Variants in KCNJ1 observed in about 807,000 individuals in gnomAD.
KCNJ1 encodes the protein potassium inwardly rectifying channel subfamily J member 1.
Under a neutral mutation model 21.9 loss-of-function variants are expected in KCNJ1, and 24 were observed. That is an observed-to-expected ratio of 1.10 (90% confidence interval 0.79 to 1.54). The LOEUF is 1.54. Ranked by LOEUF, KCNJ1 falls within the 40% of genes most tolerant of loss-of-function variation. KCNJ1 has a pLI of 0.00. For missense variants in KCNJ1, 457 were observed against 455.4 expected (o/e 1.00, Z -0.03); for synonymous variants, 152 against 160.9 (o/e 0.94, Z 0.42).
intron 2 of KCNJ1, 83 bp downstream of exon 2, chr11:128,850,638 G>T: frequency 3.4e-6 from 2 of 591,268 alleles, no homozygotes; most frequent in Non-Finnish European, 4.3e-6. Context: ...TTGCTTAAGA[G>T]GCTCTGCATA....
intron 1 of KCNJ1, among the ~76,000 whole-genome samples, chr11:128,862,127 C>T (rs1943726121): frequency 6.6e-6 from 1 of 152,128 alleles, no homozygotes; most frequent in Non-Finnish European, 1.5e-5. Context: ...CCACAAGATA[C>T]TTAAGGGGCA....
intron 1 of KCNJ1, among the ~76,000 whole-genome samples, chr11:128,860,058 G>C (rs1240959433): frequency 6.6e-6 from 1 of 152,226 alleles, no homozygotes; most frequent in Admixed American, 6.5e-5. Context: ...CACTGCGCAA[G>C]AGAGGTCGGC....
At chr11:128,855,025 G>A (rs1480322674) in intron 1 of KCNJ1, among the ~76,000 whole-genome samples, 1 of 152,186 alleles carries the variant, frequency 6.6e-6, no homozygotes, top group African/African-American at 2.4e-5. Flanking sequence ...GCTTACTGGT[G>A]CATGACCCAG....
Position 128,853,197 on chromosome 11 carries a change from C to T in KCNJ1, c.-191-2307G>A, listed in dbSNP as rs527499554. Among the ~76,000 whole-genome samples the T allele has an allele frequency of 3.3e-5, 5 of 152,300 alleles. No homozygotes were observed. The East Asian group carries it at 7.7e-4, about 23-fold the overall frequency. On this transcript the variant is annotated intron_variant, in intron 1 of 2. Coordinates refer to ENST00000392666, the MANE Select transcript of KCNJ1 (RefSeq NM_153766.3). ...AGGATTCAGTGAGAAATACACATATCCACGTAAAATGAGTATGTGAATAGC... is the reference window on the plus strand; with the variant it reads ...AGGATTCAGTGAGAAATACACATATTCACGTAAAATGAGTATGTGAATAGC...
intron 1 of KCNJ1, among the ~76,000 whole-genome samples, chr11:128,861,314 C>G (rs901768503): frequency 2.0e-5 from 3 of 152,144 alleles, no homozygotes; most frequent in Non-Finnish European, 4.4e-5. Flanking sequence ...CAGCTGAGAC[C>G]CAGGATTGGG....
intron 1 of KCNJ1, among the ~76,000 whole-genome samples, chr11:128,864,068 TTCTC>T (rs1299043428): frequency 6.8e-6 from 1 of 146,308 alleles, no homozygotes; most frequent in African/African-American, 2.5e-5. Flanking sequence ...TTTTTTCTTT[TTCTC>T]TCTTTTTTTT....
In KCNJ1 at chr11:128,839,729, G is replaced by A; in HGVS notation, c.515C>T (p.Thr172Ile). The change falls in exon 3 of 3, where the codon ACC becomes ATC. Residue 172 changes from threonine (T) to isoleucine (I), a missense_variant. Transcript: ENST00000392666. ...CACTGCGTTCTTGCTGAACGTAATG[G>A]TCTTGGCACGTTTTTTGGGCCTGGA... Reference protein sequence around the residue: ...KISRPKKRAKTITFSKNAVIS... With the variant: ...KISRPKKRAKIITFSKNAVIS... 6.2e-7 allele frequency: 1 copy of A among 1,613,730 alleles called. No homozygotes were observed. The highest frequency in any genetic ancestry group is 8.5e-7 in the Non-Finnish European group (1 of 1,179,938).
chr11:128,860,024 G>A lies in KCNJ1; in HGVS notation c.-192+7149C>T, dbSNP rs182130418. On this transcript the variant is annotated intron_variant, in intron 1 of 2. Coordinates refer to ENST00000392666, the MANE Select transcript of KCNJ1 (RefSeq NM_153766.3). ...GGCCTCCCGCTTACCAGCAGCAGCAGCGCCCCCTGGCGCCTGCCGAGGGCA... is the reference window on the plus strand; with the variant it reads ...GGCCTCCCGCTTACCAGCAGCAGCAACGCCCCCTGGCGCCTGCCGAGGGCA... Among the ~76,000 whole-genome samples the A allele has an allele frequency of 2.3e-3, 322 of 141,240 alleles. 1 individual carries two copies. The highest frequency in any genetic ancestry group is 5.4e-3 in the Admixed American group (71 of 13,186). The allele number at this position is 141,240 out of a possible 152,430, so 92.7% of individuals were successfully genotyped here.
At chr11:128,842,460 T>C (rs1424377065) in intron 2 of KCNJ1, 11 of 1,613,442 alleles carry the variant, frequency 6.8e-6, no homozygotes, top group Non-Finnish European at 8.5e-6. Context: ...TTGGTCTTTC[T>C]ATGCAGACTG....
At chr11:128,853,266 T>C (rs1420984510) in intron 1 of KCNJ1, among the ~76,000 whole-genome samples, 1 of 152,214 alleles carries the variant, frequency 6.6e-6, no homozygotes, top group Non-Finnish European at 1.5e-5. Context: ...TTTGAAACAG[T>C]TGATGTCCAT....
At chr11:128,854,895 G>C (rs1943556063) in intron 1 of KCNJ1, among the ~76,000 whole-genome samples, 1 of 152,164 alleles carries the variant, frequency 6.6e-6, no homozygotes, top group Non-Finnish European at 1.5e-5. Flanking sequence ...GGTGTGCTAT[G>C]AGTACTAACT....
rs759072323 is a variant in KCNJ1, at chr11:128,839,226, G to C, written c.1018C>G (p.Leu340Val). ...GCTCTAACATCTTTCTCATTATAAA[G>C]GCACATGGCACAGTGAGGGGTCTCC... Reference protein sequence around the residue: ...EVETPHCAMCLYNEKDVRARM... With the variant: ...EVETPHCAMCVYNEKDVRARM... Residue 340 changes from leucine to valine, a missense_variant, in exon 3 of 3, where the codon CTT becomes GTT. By Grantham distance (32) the Leu-to-Val change is conservative. Transcript: ENST00000392666. The C allele has an allele frequency of 2.5e-6, 4 of 1,614,054 alleles. No homozygotes were observed. The highest frequency in any genetic ancestry group is 3.4e-6 in the Non-Finnish European group (4 of 1,179,952).
chr11:128,856,819 T>C (rs1943599779), intron 1 of KCNJ1, among the ~76,000 whole-genome samples: 1 of 152,020 alleles, frequency 6.6e-6, no homozygotes, highest in Non-Finnish European at 1.5e-5. Context: ...TCTCTTCATC[T>C]CCTCTGCTTG....
At position 128,840,219 on chromosome 11, in the gene KCNJ1, C is replaced by T. The variant is rs1565522962; in HGVS notation, c.25G>A (p.Val9Ile). 6.2e-7 allele frequency: 1 copy of T among 1,614,128 alleles called. No homozygotes were observed. The highest frequency in any genetic ancestry group is 1.7e-5 in the Admixed American group (1 of 60,028). The stretch of plus-strand genomic sequence containing the variant: ...GAATGCCCAAAAAAGCGAGTGACGA[C>T]CCATTTCCGAAGATGTTTGAACATA... The part of the protein sequence containing the change: MFKHLRKW[V>I]VTRFFGHSRQ... Residue 9 changes from valine to isoleucine, a missense_variant, in exon 3 of 3, where the codon GTC (valine) becomes ATC (isoleucine). By Grantham distance (29) the Val-to-Ile change is conservative. Coordinates refer to ENST00000392666, the MANE Select transcript of KCNJ1 (RefSeq NM_153766.3).
In KCNJ1 at chr11:128,867,159, G is replaced by A. The variant is rs1363988125; in HGVS notation, c.-192+14C>T. The A allele has an allele frequency of 6.6e-6, 1 of 152,114 alleles. No homozygotes were observed. Among genetic ancestry groups the A allele is most frequent in the Non-Finnish European group, 1.5e-5 (1 of 68,024 alleles). The allele number at this position is 152,114 out of a possible 1,614,324, so 9.4% of individuals were successfully genotyped here. A position where few individuals can be genotyped will look rare whatever the true frequency, so the allele number is the denominator to read the frequency against. ...TTTTCCTACAAAGAGACAATGAGGT[G>A]TTTCTCCTCTTACCTCATGGATTGC... On this transcript the variant is annotated intron_variant, in intron 1 of 2. Coordinates refer to ENST00000392666, the MANE Select transcript of KCNJ1 (RefSeq NM_153766.3).
intron 1 of KCNJ1, among the ~76,000 whole-genome samples, chr11:128,863,864 A>G (rs1348313916): frequency 6.6e-6 from 1 of 152,096 alleles, no homozygotes; most frequent in Non-Finnish European, 1.5e-5. Flanking sequence ...TTTCATGTGT[A>G]AGAGCATCGT....
In KCNJ1 at chr11:128,840,189, G is replaced by T; in HGVS notation, c.55C>A (p.Gln19Lys). 1.2e-6 allele frequency: 2 copies of T among 1,614,106 alleles called. No individual in the cohort carries two copies. Among genetic ancestry groups the T allele is most frequent in the Non-Finnish European group, 1.7e-6 (2 of 1,180,002 alleles). The change falls in exon 3 of 3, where the codon CAA becomes AAA. Residue 19 changes from glutamine to lysine, a missense_variant. Physicochemically the swap from Gln to Lys is moderately conservative, Grantham distance 53. Coordinates refer to ENST00000392666, the MANE Select transcript of KCNJ1 (RefSeq NM_153766.3). ...TCTTTGGAGACTAGCCTTGCTCTTT[G>T]CCGAGAATGCCCAAAAAAGCGAGTG... ...VVTRFFGHSR[Q>K]RARLVSKDGR...
chr11:128,853,724 G>A (rs189738637), intron 1 of KCNJ1, among the ~76,000 whole-genome samples: 1 of 152,162 alleles, frequency 6.6e-6, no homozygotes, highest in African/African-American at 2.4e-5. Flanking sequence ...CAGTACAGTC[G>A]CGACCGACTT....
chr11:128,847,299 C>G (rs183104274), intron 2 of KCNJ1, among the ~76,000 whole-genome samples: 2 of 152,310 alleles, frequency 1.3e-5, no homozygotes, highest in African/African-American at 4.8e-5. Flanking sequence ...TGCTCAAATA[C>G]AGGGTACTAC....
Sources: gnomAD v4.1 joint callset for allele counts (sites outside exome capture counted in the v4.1 genomes callset) on GRCh38, gnomAD v4.1.1 for gene constraint, MANE v1.5 for transcripts, NCBI Gene and HGNC (gene_info 2026-07-23, HGNC 2026-07-21) for gene names.